PITPNM2: variants seen among roughly 807,000 people sequenced by gnomAD.
PITPNM2 encodes the protein phosphatidylinositol transfer protein membrane associated 2.
Under a neutral mutation model 132.2 loss-of-function variants are expected in PITPNM2, and 35 were observed. The observed-to-expected ratio is 0.26, with a 90% confidence interval of 0.20 to 0.35. PITPNM2 has a LOEUF of 0.35. Ranked by LOEUF, PITPNM2 falls within the 10% of genes least tolerant of loss-of-function variation. PITPNM2 has a pLI of 1.00. For synonymous variants in PITPNM2, 738 were observed against 799.2 expected, an observed-to-expected ratio of 0.92 and a Z score of 1.29; for missense variants, 1,332 against 1,912.0, an observed-to-expected ratio of 0.70 and a Z score of 5.66.
intron 3 of PITPNM2, among the ~76,000 whole-genome samples, chr12:123,030,676 G>C (rs2040056376): frequency 6.6e-6 from 1 of 150,666 alleles, no homozygotes; most frequent in Admixed American, 6.6e-5. Context: ...CTGGGCGACA[G>C]AGCGAGACTC....
chr12:123,002,622 T>A (rs996981375), intron 8 of PITPNM2, among the ~76,000 whole-genome samples: 8 of 152,190 alleles, frequency 5.3e-5, no homozygotes, highest in African/African-American at 1.9e-4. Flanking sequence ...TTCACTATGT[T>A]ACCCTAGTTG....
chr12:123,004,409 A>T lies in PITPNM2; in HGVS notation c.1033T>A (p.Phe345Ile). ...GCCTGCCTACCGTGCGCATCGAAGA[A>T]CTCATCATCTGAGCTCTCATCCGAG... ...RDSDESSDDEFFDAHEDLSDT... is the reference protein window; with the variant it reads ...RDSDESSDDEIFDAHEDLSDT... The change falls in exon 8 of 26, where the codon TTC (phenylalanine) becomes ATC (isoleucine). Residue 345 changes from phenylalanine (F) to isoleucine (I), a missense_variant. Coordinates refer to ENST00000320201, the MANE Select transcript of PITPNM2 (RefSeq NM_020845.3). The surrounding 1 kb of genome is among the most constrained non-coding windows in gnomAD (Gnocchi z 4.9). 1 of 1,613,782 alleles carries T rather than the reference A, an allele frequency of 6.2e-7. No individual in the cohort carries two copies.
intron 2 of PITPNM2, among the ~76,000 whole-genome samples, chr12:123,055,146 A>G (rs1259066058): frequency 1.3e-5 from 2 of 152,228 alleles, no homozygotes; most frequent in Non-Finnish European, 2.9e-5. Context: ...CAAATAAGTT[A>G]AGGTGTTTTC....
chr12:123,005,934 T>TA lies in PITPNM2; in HGVS notation c.644-387dup, dbSNP rs936573425. The TA allele has an allele frequency of 0.072, 9,817 of 136,734 alleles. 934 individuals are homozygous for TA. Among genetic ancestry groups the TA allele is most frequent in the African/African-American group, 0.23 (8,571 of 36,584 alleles). 8.5% of individuals were successfully genotyped at this position (136,734 alleles called of 1,614,324 possible). On this transcript the variant is annotated intron_variant, in intron 6 of 25. Transcript: ENST00000320201. This position sits in a 1 kb window ranked among gnomAD's most constrained non-coding sequence, Gnocchi z 6.2. ...GCAACGAAACAAGACCCTGTCTCTATAAAAAAAAAAAAAATTAAAAAAAAA... is the reference window on the plus strand; with the variant it reads ...GCAACGAAACAAGACCCTGTCTCTATAAAAAAAAAAAAAAATTAAAAAAAAA...
In PITPNM2 at chr12:123,005,111, T is replaced by C; in HGVS notation, c.952+129A>G. The C allele has an allele frequency of 4.3e-6, 5 of 1,168,320 alleles. No homozygotes were observed. In the East Asian group the frequency reaches 1.2e-4, roughly 28 times the overall value. 72.4% of individuals were successfully genotyped at this position (1,168,320 alleles called of 1,614,324 possible). ...GCGAGGACTAGCCCAGGGCTCTGAC[T>C]CCCTCTGGGCTTGGTGCCTCAATGT... On this transcript the variant is annotated intron_variant, in intron 7 of 25. Coordinates refer to ENST00000320201, the MANE Select transcript of PITPNM2 (RefSeq NM_020845.3). The surrounding 1 kb of genome is among the most constrained non-coding windows in gnomAD (Gnocchi z 6.2).
At chr12:123,003,238 A>G (rs1037299784) in intron 8 of PITPNM2, among the ~76,000 whole-genome samples, 28 of 152,052 alleles carry the variant, frequency 1.8e-4, no homozygotes, top group Non-Finnish European at 1.0e-4. Context: ...GCCCAGGACC[A>G]CCAGGCTCAT....
intron 2 of PITPNM2, among the ~76,000 whole-genome samples, chr12:123,048,460 C>T (rs996565769): frequency 1.3e-5 from 2 of 150,848 alleles, no homozygotes; most frequent in South Asian, 2.1e-4. Flanking sequence ...GGCCGGACTG[C>T]GGACTGCAGT....
At chr12:123,070,390 C>T (rs766357299) in intron 2 of PITPNM2, among the ~76,000 whole-genome samples, 6 of 152,132 alleles carry the variant, frequency 3.9e-5, no homozygotes, top group East Asian at 1.9e-4. Flanking sequence ...GCCCCAGGAC[C>T]GTGTGGGCAA....
At chr12:123,030,014 C>T (rs1275315367) in intron 3 of PITPNM2, among the ~76,000 whole-genome samples, 1 of 152,084 alleles carries the variant, frequency 6.6e-6, no homozygotes, top group Non-Finnish European at 1.5e-5. Flanking sequence ...AGGTGGAAGG[C>T]ACTAGGTGCC....
At position 123,008,262 on chromosome 12, in the gene PITPNM2, G is replaced by A. The variant is rs2039025408; in HGVS notation, c.643+1588C>T. Among the ~76,000 whole-genome samples the A allele has an allele frequency of 6.6e-6, 1 of 152,202 alleles. No homozygotes were observed. The highest frequency in any genetic ancestry group is 6.5e-5 in the Admixed American group (1 of 15,284). On this transcript the variant is annotated intron_variant, in intron 6 of 25. Transcript: ENST00000320201. The surrounding 1 kb of genome is among the most constrained non-coding windows in gnomAD (Gnocchi z 4.1). Reference sequence around the variant, plus strand: ...CTCAGCTGCTGGGTAGGGCTAGGGAGAGCCAAGCAGACCCACAGAGCCAGA... The same window carrying A: ...CTCAGCTGCTGGGTAGGGCTAGGGAAAGCCAAGCAGACCCACAGAGCCAGA...
At position 123,097,777 on chromosome 12, in the gene PITPNM2, G is replaced by T. The variant is rs1259274036; in HGVS notation, c.-96+12608C>A. Among the ~76,000 whole-genome samples the T allele has an allele frequency of 6.6e-6, 1 of 152,208 alleles. No individual in the cohort carries two copies. The highest frequency in any genetic ancestry group is 1.5e-5 in the Non-Finnish European group (1 of 68,042). ...GAAATAGCCTTGAAGACATTCACGTGAAGATGACGGGCAGGTCCCCAGCTC... is the reference window on the plus strand; with the variant it reads ...GAAATAGCCTTGAAGACATTCACGTTAAGATGACGGGCAGGTCCCCAGCTC... On this transcript the variant is annotated intron_variant, in intron 2 of 25. Transcript: ENST00000320201. This position sits in a 1 kb window ranked among gnomAD's most constrained non-coding sequence, Gnocchi z 4.7.
chr12:123,073,122 G>A (rs571173956), intron 2 of PITPNM2, among the ~76,000 whole-genome samples: 2 of 152,314 alleles, frequency 1.3e-5, no homozygotes, highest in South Asian at 4.1e-4. Flanking sequence ...CTCATGGGTC[G>A]TTAAGGTACA....
At chr12:123,124,972 A>G (rs1329824527) in intron 1 of PITPNM2, among the ~76,000 whole-genome samples, 1 of 151,876 alleles carries the variant, frequency 6.6e-6, no homozygotes, top group Admixed American at 6.6e-5. Flanking sequence ...AATTTTTTTT[A>G]TTTTGAGACA....
At position 123,008,807 on chromosome 12, in the gene PITPNM2, C is replaced by T. The variant is rs774953087; in HGVS notation, c.643+1043G>A. On this transcript the variant is annotated intron_variant, in intron 6 of 25. Coordinates refer to ENST00000320201, the MANE Select transcript of PITPNM2 (RefSeq NM_020845.3). The surrounding 1 kb of genome is among the most constrained non-coding windows in gnomAD (Gnocchi z 4.1). ...AACACACCCATCGAGGCCCTGTCCACGTCTTCGCTTCTCCAAGTGGAAGAC... is the reference window on the plus strand; with the variant it reads ...AACACACCCATCGAGGCCCTGTCCATGTCTTCGCTTCTCCAAGTGGAAGAC... Among the ~76,000 whole-genome samples the T allele has an allele frequency of 3.9e-5, 6 of 152,374 alleles. No homozygotes were observed. The highest frequency in any genetic ancestry group is 1.9e-4 in the East Asian group (1 of 5,192).
At chr12:123,120,262 G>A (rs959118571) in intron 1 of PITPNM2, among the ~76,000 whole-genome samples, 1 of 152,188 alleles carries the variant, frequency 6.6e-6, no homozygotes, top group African/African-American at 2.4e-5. Flanking sequence ...AACTGGCTGT[G>A]AGCTTCGACG....
In PITPNM2 at chr12:122,994,691, G is replaced by A; in HGVS notation, c.2233+110C>T. On this transcript the variant is annotated intron_variant, in intron 15 of 25. Transcript: ENST00000320201. This position sits in a 1 kb window ranked among gnomAD's most constrained non-coding sequence, Gnocchi z 5.4. Reference sequence around the variant, plus strand: ...CTTGGTGGGGAAGACAGGAAGGAGGGCAGAAACAGGCCTGGGACGTGGCCA... The same window carrying A: ...CTTGGTGGGGAAGACAGGAAGGAGGACAGAAACAGGCCTGGGACGTGGCCA... The A allele has an allele frequency of 8.1e-7, 1 of 1,229,130 alleles. No individual in the cohort carries two copies. Among genetic ancestry groups the A allele is most frequent in the Non-Finnish European group, 1.1e-6 (1 of 914,626 alleles). 76.1% of individuals were successfully genotyped at this position (1,229,130 alleles called of 1,614,324 possible). A position where few individuals can be genotyped will look rare whatever the true frequency, so the allele number is the denominator to read the frequency against.
At chr12:123,053,629 G>A (rs1398862373) in intron 2 of PITPNM2, among the ~76,000 whole-genome samples, 6 of 147,376 alleles carry the variant, frequency 4.1e-5, no homozygotes, top group African/African-American at 1.0e-4. Context: ...GTGCAATGGC[G>A]TGATCTCGGC....
intron 1 of PITPNM2, among the ~76,000 whole-genome samples, chr12:123,148,295 G>A (rs140323661): frequency 9.8e-5 from 15 of 152,298 alleles, no homozygotes; most frequent in Non-Finnish European, 1.8e-4. Flanking sequence ...GAGAACTGGC[G>A]TACAATGGCT....
chr12:123,068,311 C>CA (rs376687479), intron 2 of PITPNM2, among the ~76,000 whole-genome samples: 8 of 152,128 alleles, frequency 5.3e-5, no homozygotes, highest in African/African-American at 1.7e-4. Flanking sequence ...ACTAAAAATA[C>CA]AAAAAATTAG....
Sources: allele counts gnomAD v4.1 joint callset (sites outside exome capture counted in the v4.1 genomes callset), GRCh38; gene constraint gnomAD v4.1.1; non-coding constraint Gnocchi (gnomAD v3.1); transcripts MANE v1.5; gene names NCBI Gene and HGNC (gene_info 2026-07-23, HGNC 2026-07-21).